Variants in GTF2F2 observed in about 807,000 individuals in gnomAD.
GTF2F2 encodes general transcription factor IIF subunit 2, also known as ATP-dependent helicase GTF2F2.
GTF2F2 carries 23 observed loss-of-function variants against 42.2 expected under a neutral mutation model. The ratio of observed to expected loss-of-function variants is 0.55; its 90% CI spans 0.39 to 0.77. The LOEUF is 0.77. Among genes scored for constraint, GTF2F2 ranks in the 30% least tolerant of loss-of-function variants. The probability of loss-of-function intolerance (pLI) is 0.00; values close to 1 mark genes in which losing one functional copy is unlikely to be tolerated. For missense variants in GTF2F2, 261 were observed against 287.2 expected, an observed-to-expected ratio of 0.91 and a Z score of 0.66; for synonymous variants, 105 against 100.8, an observed-to-expected ratio of 1.04 and a Z score of -0.25.
intron 5 of GTF2F2, among the ~76,000 whole-genome samples, chr13:45,213,860 T>G (rs958666346): frequency 1.3e-5 from 2 of 152,206 alleles, no homozygotes; most frequent in African/African-American, 4.8e-5. Flanking sequence ...TGCACACATG[T>G]GCACGTGTCT....
intron 5 of GTF2F2, among the ~76,000 whole-genome samples, chr13:45,240,620 G>C (rs1875241477): frequency 6.6e-6 from 1 of 152,056 alleles, no homozygotes; most frequent in African/African-American, 2.4e-5. Flanking sequence ...CTGAGGTCAG[G>C]AGTTTGAGAC....
chr13:45,134,973 C>T (rs528211536), intron 1 of GTF2F2, among the ~76,000 whole-genome samples: 48 of 147,824 alleles, frequency 3.2e-4, no homozygotes, highest in Admixed American at 2.6e-3. Flanking sequence ...TTTTTTTTGA[C>T]ACAAGAGTCT....
intron 7 of GTF2F2, among the ~76,000 whole-genome samples, chr13:45,283,170 T>G (rs7320924): frequency 0.39 from 59,508 of 151,474 alleles, 13,610 homozygotes; most frequent in African/African-American, 0.62. Context: ...GTTTTTTGTG[T>G]TTTTTTTGTT....
At chr13:45,239,208 A>C (rs1249252466) in intron 5 of GTF2F2, among the ~76,000 whole-genome samples, 1 of 152,198 alleles carries the variant, frequency 6.6e-6, no homozygotes, top group African/African-American at 2.4e-5. Flanking sequence ...AGGTAAAAGT[A>C]TCCCCTGAAC....
intron 2 of GTF2F2, among the ~76,000 whole-genome samples, chr13:45,139,145 A>G (rs1175534858): frequency 2.0e-5 from 3 of 152,164 alleles, no homozygotes; most frequent in African/African-American, 2.4e-5. Context: ...TTACTCCACT[A>G]TAGGAGATTG....
rs557320844 is a variant in GTF2F2, at chr13:45,140,107, C to T, written c.140+3301C>T. Among the ~76,000 whole-genome samples, 165 of 152,034 alleles carry T rather than the reference C, an allele frequency of 1.1e-3. 2 individuals carry two copies. The highest frequency in any genetic ancestry group is 3.5e-3 in the African/African-American group (144 of 41,464). ...GGACTACAGGCAAGCACTGCCATGC[C>T]CAGCTAATTTTTTTTTTTTTTTTCT... is the stretch of plus-strand genomic sequence containing the variant. On this transcript the variant is annotated intron_variant, in intron 2 of 7. Coordinates refer to ENST00000340473, the MANE Select transcript of GTF2F2 (RefSeq NM_004128.3).
At chr13:45,158,495 A>G (rs1425349853) in intron 4 of GTF2F2, among the ~76,000 whole-genome samples, 1 of 152,148 alleles carries the variant, frequency 6.6e-6, no homozygotes, top group East Asian at 1.9e-4. Context: ...AACTCCACCC[A>G]TCATCCCCAG....
intron 1 of GTF2F2, chr13:45,123,995 CTGG>C: frequency 9.9e-7 from 1 of 1,012,864 alleles, no homozygotes. Context: ...GTCACTGGGG[CTGG>C]TGGTCCAGGG....
chr13:45,200,610 A>G (rs1334286966), intron 4 of GTF2F2, among the ~76,000 whole-genome samples: 1 of 152,208 alleles, frequency 6.6e-6, no homozygotes, highest in African/African-American at 2.4e-5. Flanking sequence ...CTGAAGATCA[A>G]ATAGAGATCA....
chr13:45,215,074 A>G (rs1230598599), intron 5 of GTF2F2, among the ~76,000 whole-genome samples: 1 of 152,222 alleles, frequency 6.6e-6, no homozygotes. Context: ...AATGGGATAC[A>G]GGTTGAATAT....
intron 5 of GTF2F2, among the ~76,000 whole-genome samples, chr13:45,213,674 C>CTT (rs147572898): frequency 6.7e-6 from 1 of 148,770 alleles, no homozygotes; most frequent in Admixed American, 6.7e-5. Flanking sequence ...TCCTTCCTTT[C>CTT]TTTTTTTTTT....
At chr13:45,245,511 A>G (rs891455863) in intron 5 of GTF2F2, among the ~76,000 whole-genome samples, 9 of 151,862 alleles carry the variant, frequency 5.9e-5, no homozygotes, top group Non-Finnish European at 1.0e-4. Context: ...ATGCGTTTGC[A>G]TAGTTTAGCT....
intron 1 of GTF2F2, among the ~76,000 whole-genome samples, chr13:45,121,888 C>T (rs1003057079): frequency 3.3e-5 from 5 of 151,404 alleles, no homozygotes; most frequent in Non-Finnish European, 7.4e-5. Context: ...CAGCATGTTA[C>T]TTGGGGGGAG....
chr13:45,204,272 A>AT (rs1323881875), intron 4 of GTF2F2, among the ~76,000 whole-genome samples: 1 of 152,226 alleles, frequency 6.6e-6, no homozygotes, highest in Admixed American at 6.5e-5. Flanking sequence ...TAACTAATAC[A>AT]TGCCACAGAA....
intron 4 of GTF2F2, chr13:45,193,596 C>T: frequency 1.9e-6 from 1 of 533,236 alleles, no homozygotes; most frequent in Non-Finnish European, 3.3e-6. Context: ...AGAGTCTGAT[C>T]AGTAGGAACA....
In GTF2F2 at chr13:45,242,302, T is replaced by C. The variant is rs370074667; in HGVS notation, c.387-10569T>C. 1.3e-4 allele frequency among the ~76,000 whole-genome samples: 19 copies of C among 149,666 alleles called. No homozygotes were observed. In the East Asian group the frequency reaches 3.7e-3, roughly 29 times the overall value. On this transcript the variant is annotated intron_variant, in intron 5 of 7. Coordinates refer to ENST00000340473, the MANE Select transcript of GTF2F2 (RefSeq NM_004128.3). Reference sequence around the variant, plus strand: ...TTTTAACTTGACTTTGGGCCAAGTATGTGTGCTCTCACTCACGGGCAGTCT... The same window carrying C: ...TTTTAACTTGACTTTGGGCCAAGTACGTGTGCTCTCACTCACGGGCAGTCT...
intron 3 of GTF2F2, 54 bp downstream of exon 3, chr13:45,149,842 A>C: frequency 1.4e-6 from 2 of 1,432,392 alleles, no homozygotes; most frequent in Non-Finnish European, 1.9e-6. Flanking sequence ...TCTTTTCATT[A>C]ATAATAGTGA....
At chr13:45,189,324 C>T (rs1254500105) in intron 4 of GTF2F2, among the ~76,000 whole-genome samples, 1 of 152,076 alleles carries the variant, frequency 6.6e-6, no homozygotes, top group Non-Finnish European at 1.5e-5. Context: ...TGGGTTGGTT[C>T]CAAGTCTTTG....
rs537327227 is a variant in GTF2F2 at position 45,283,376 on chromosome 13, T to A, written c.631-66T>A. On this transcript the variant is annotated intron_variant, in intron 7 of 7. Transcript: ENST00000340473. ...CTTGCATATGTGCTTTGGCATATCA[T>A]CTTATTTTAAGTTTTGTCCCCTGCA... The A allele has an allele frequency of 2.2e-5, 32 of 1,433,150 alleles. No homozygotes were observed. The South Asian group carries it at 3.6e-4, about 16-fold the overall frequency. 88.8% of individuals were successfully genotyped at this position (1,433,150 alleles called of 1,614,324 possible). A position where few individuals can be genotyped will look rare whatever the true frequency, so the allele number is the denominator to read the frequency against.
Sources: gnomAD v4.1 joint callset for allele counts (sites outside exome capture counted in the v4.1 genomes callset) on GRCh38, gnomAD v4.1.1 for gene constraint, MANE v1.5 for transcripts, NCBI Gene and HGNC (gene_info 2026-07-23, HGNC 2026-07-21) for gene names.